Variants in NEDD4 observed in about 807,000 individuals in gnomAD.
NEDD4 encodes NEDD4 E3 ubiquitin protein ligase, also known as E3 ubiquitin-protein ligase NEDD4.
NEDD4 carries 99 observed loss-of-function variants against 144.9 expected under a neutral mutation model. The ratio of observed to expected loss-of-function variants is 0.68; its 90% CI spans 0.58 to 0.81. The LOEUF is 0.81. Among genes scored for constraint, NEDD4 ranks in the 30% least tolerant of loss-of-function variants. NEDD4 has a pLI of 0.00. For synonymous variants in NEDD4, 318 were observed against 350.6 expected (o/e 0.91, Z 1.04); for missense variants, 985 against 1,065.9 (o/e 0.92, Z 1.06).
intron 5 of NEDD4, among the ~76,000 whole-genome samples, chr15:55,911,038 C>T (rs2036255601): frequency 6.6e-6 from 1 of 151,544 alleles, no homozygotes; most frequent in African/African-American, 2.4e-5. Flanking sequence ...CTCCCACATC[C>T]CCAGGCTACC....
At chr15:55,838,708 G>A in intron 21 of NEDD4, 104 bp from the exon 22 acceptor site, 1 of 697,208 alleles carries the variant, frequency 1.4e-6, no homozygotes, top group Non-Finnish European at 2.4e-6. Context: ...AAGATGAGAG[G>A]TCAGATGGAC....
At chr15:55,924,819 G>GTGCTGGGATTA in intron 4 of NEDD4, 120 bp from the exon 5 acceptor site, 1 of 961,384 alleles carries the variant, frequency 1.0e-6, no homozygotes, top group Non-Finnish European at 1.6e-6. Flanking sequence ...TGTAATCCCA[G>GTGCTGGGATTA]CACTTTGGGA....
intron 27 of NEDD4, 76 bp from the exon 28 acceptor site, chr15:55,830,662 A>G: frequency 3.5e-6 from 4 of 1,140,036 alleles, no homozygotes; most frequent in Non-Finnish European, 5.3e-6. Context: ...TTTCTAGTGT[A>G]CACTAGTTCC....
chr15:55,891,854 A>G (rs1161706356), intron 5 of NEDD4, among the ~76,000 whole-genome samples: 2 of 152,224 alleles, frequency 1.3e-5, no homozygotes, highest in African/African-American at 4.8e-5. Flanking sequence ...AATGAATAGT[A>G]GCTAAATGTT....
chr15:55,955,963 G>C (rs896383713), intron 2 of NEDD4, among the ~76,000 whole-genome samples: 3 of 151,730 alleles, frequency 2.0e-5, no homozygotes, highest in Non-Finnish European at 4.4e-5. Flanking sequence ...CCACAGGTGT[G>C]CATCACCACA....
intron 24 of NEDD4, among the ~76,000 whole-genome samples, chr15:55,836,370 ACAC>A (rs2033196972): frequency 8.4e-6 from 1 of 118,574 alleles, no homozygotes; most frequent in African/African-American, 3.1e-5. Context: ...ACACACACAC[ACAC>A]TTTAGAGACA....
Position 55,929,773 on chromosome 15 carries a change from T to C in NEDD4, c.238-5074A>G, listed in dbSNP as rs552964725. Among the ~76,000 whole-genome samples, 5 of 152,170 alleles carry C rather than the reference T, an allele frequency of 3.3e-5. No homozygotes were observed. The South Asian group carries it at 1.0e-3, about 32-fold the overall frequency. ...ACGAACGTACAAATTAGAAAAACTG[T>C]CCTCAAAGGAAAAAGAGATAATTTA... On this transcript the variant is annotated intron_variant, in intron 4 of 28. Coordinates refer to ENST00000435532, the MANE Select transcript of NEDD4 (RefSeq NM_006154.4).
At chr15:55,933,079 G>A (rs2036814068) in intron 4 of NEDD4, among the ~76,000 whole-genome samples, 1 of 152,162 alleles carries the variant, frequency 6.6e-6, no homozygotes, top group African/African-American at 2.4e-5. Flanking sequence ...TACACTGTTG[G>A]TGGGACTGTA....
At chr15:55,901,109 C>T (rs909171798) in intron 5 of NEDD4, among the ~76,000 whole-genome samples, 1 of 151,806 alleles carries the variant, frequency 6.6e-6, no homozygotes, top group Admixed American at 6.6e-5. Flanking sequence ...TTATGGGGTA[C>T]ATGAGATGTT....
At chr15:55,898,976 A>G (rs1325903872) in intron 5 of NEDD4, among the ~76,000 whole-genome samples, 3 of 152,174 alleles carry the variant, frequency 2.0e-5, no homozygotes, top group Non-Finnish European at 2.9e-5. Flanking sequence ...TCTGTTTGTT[A>G]GATTTTTAGT....
Position 55,837,843 on chromosome 15 carries a change from T to C in NEDD4, c.2208A>G (p.Val736=), listed in dbSNP as rs140379278. 19 of 1,609,380 alleles carry C rather than the reference T, an allele frequency of 1.2e-5. No homozygotes were observed. The African/African-American group carries it at 2.4e-4, about 20-fold the overall frequency. ...TTCGGTTTACAAATCGCCATTGTAT[T>C]ACAAGACTAAAAAGAAACAACATTT... is the stretch of plus-strand genomic sequence containing the variant. ...NKNKKEYIYL[V]IQWRFVNRIQ... Residue 736 remains valine, a synonymous_variant, in exon 24 of 29, where the codon GTA becomes GTG. Coordinates refer to ENST00000435532, the MANE Select transcript of NEDD4 (RefSeq NM_006154.4).
At chr15:55,937,656 C>G (rs1181669729) in intron 4 of NEDD4, among the ~76,000 whole-genome samples, 1 of 152,122 alleles carries the variant, frequency 6.6e-6, no homozygotes, top group African/African-American at 2.4e-5. Context: ...TTGTCAATTA[C>G]AAATAGCCTT....
chr15:55,838,838 G>T (rs939669801), intron 21 of NEDD4, among the ~76,000 whole-genome samples: 1 of 152,038 alleles, frequency 6.6e-6, no homozygotes, highest in African/African-American at 2.4e-5. Context: ...TAATCAATTG[G>T]TGCCTACTTA....
intron 4 of NEDD4, among the ~76,000 whole-genome samples, chr15:55,947,745 T>C (rs564166375): frequency 3.5e-4 from 54 of 152,306 alleles, no homozygotes; most frequent in Non-Finnish European, 7.2e-4. Flanking sequence ...TTGACAAAAT[T>C]CAACAGCCCT....
intron 2 of NEDD4, among the ~76,000 whole-genome samples, chr15:55,956,005 A>T (rs1023879885): frequency 2.2e-4 from 33 of 151,830 alleles, no homozygotes; most frequent in African/African-American, 7.5e-4. Context: ...TTTTTTGTAG[A>T]GACAGGGTCT....
intron 1 of NEDD4, among the ~76,000 whole-genome samples, chr15:55,976,079 A>G (rs66515818): frequency 0.15 from 22,612 of 152,146 alleles, 1,823 homozygotes; most frequent in East Asian, 0.32. Flanking sequence ...ATATCCATAT[A>G]TAGAAGAATC....
intron 4 of NEDD4, among the ~76,000 whole-genome samples, chr15:55,944,368 C>A (rs2037068673): frequency 6.6e-6 from 1 of 152,204 alleles, no homozygotes; most frequent in South Asian, 2.1e-4. Flanking sequence ...ACCATGCCCA[C>A]AGAGCCTTGC....
At chr15:55,852,060 C>G (rs557420771) in intron 13 of NEDD4, among the ~76,000 whole-genome samples, 1 of 151,836 alleles carries the variant, frequency 6.6e-6, no homozygotes, top group Admixed American at 6.6e-5. Flanking sequence ...CTTTAGGAGG[C>G]CGAGGTGGGT....
intron 2 of NEDD4, among the ~76,000 whole-genome samples, chr15:55,958,698 A>G (rs1227616737): frequency 6.6e-5 from 10 of 152,278 alleles, no homozygotes; most frequent in African/African-American, 2.4e-4. Context: ...TCTTTCAATA[A>G]TAAACATCTA....
Sources: gnomAD v4.1 joint callset for allele counts (sites outside exome capture counted in the v4.1 genomes callset) on GRCh38, gnomAD v4.1.1 for gene constraint, MANE v1.5 for transcripts, NCBI Gene and HGNC (gene_info 2026-07-23, HGNC 2026-07-21) for gene names.